JADE1: variants seen among roughly 807,000 people sequenced by gnomAD.
The protein encoded by JADE1 is protein Jade-1.
JADE1 carries 14 observed loss-of-function variants against 81.8 expected under a neutral mutation model. The observed-to-expected ratio is 0.17, with a 90% CI of 0.11 to 0.27. The LOEUF (loss-of-function observed/expected upper bound fraction) is 0.27, where lower values mean the gene tolerates loss of function less well. Ranked by LOEUF, JADE1 falls within the 10% of genes least tolerant of loss-of-function variation. JADE1 has a pLI of 1.00. For missense variants in JADE1, 690 were observed against 1,047.9 expected (o/e 0.66, Z 4.71); for synonymous variants, 353 against 391.9 (o/e 0.90, Z 1.17).
chr4:128,854,992 A>T (rs1167082986), intron 6 of JADE1, among the ~76,000 whole-genome samples: 1 of 152,148 alleles, frequency 6.6e-6, no homozygotes, highest in Non-Finnish European at 1.5e-5. Context: ...TAAGGAGACG[A>T]CATTCTTCCT....
intron 3 of JADE1, among the ~76,000 whole-genome samples, chr4:128,843,366 T>C (rs976847389): frequency 6.6e-6 from 1 of 152,220 alleles, no homozygotes; most frequent in Non-Finnish European, 1.5e-5. Context: ...CAACTTTTCT[T>C]CCTCTGGCCA....
chr4:128,817,628 A>G (rs1727160769), intron 1 of JADE1, among the ~76,000 whole-genome samples: 1 of 152,166 alleles, frequency 6.6e-6, no homozygotes, highest in African/African-American at 2.4e-5. Flanking sequence ...TAAATTTTTT[A>G]TTGATTACTC....
rs758531519 is a variant in JADE1, at chr4:128,871,417, G to T, written c.1684G>T (p.Val562Phe). The change falls in exon 11 of 11, where the codon GTT becomes TTT. Residue 562 changes from valine to phenylalanine, a missense_variant. By Grantham distance (50) the Val-to-Phe change is conservative (BLOSUM62 -1). Around this residue, in one of 8 missense-constraint regions of JADE1, gnomAD observed 86 missense variants for 95.4 expected, o/e 0.90. Transcript: ENST00000226319. The surrounding 1 kb of genome is among the most constrained non-coding windows in gnomAD (Gnocchi z 4.1). ...CATGCTTTTGTTTAACAGTCCTTCT[G>T]TTGGCCCTGATGCTCCCAAGATAGA... ...ENMLLFNSPS[V>F]GPDAPKIEDL... The T allele has an allele frequency of 2.1e-5, 34 of 1,614,038 alleles. 1 individual carries two copies. The highest frequency in any genetic ancestry group is 2.7e-5 in the African/African-American group (2 of 74,924).
chr4:128,831,870 A>AT, intron 2 of JADE1, 60 bp downstream of exon 2: 1 of 1,444,252 alleles, frequency 6.9e-7, no homozygotes, highest in East Asian at 2.3e-5. Context: ...TAAAAACATG[A>AT]TTTTTTAATG....
chr4:128,864,575 A>G, intron 9 of JADE1: 1 of 985,442 alleles, frequency 1.0e-6, no homozygotes, highest in Non-Finnish European at 1.2e-6. Flanking sequence ...ATTTGTAATT[A>G]TAAACAGTAA....
At chr4:128,823,637 A>G (rs1239086852) in intron 1 of JADE1, among the ~76,000 whole-genome samples, 1 of 152,222 alleles carries the variant, frequency 6.6e-6, no homozygotes, top group Non-Finnish European at 1.5e-5. Context: ...ATGACGTTAT[A>G]AAGAGCACAT....
At chr4:128,866,666 A>C (rs1160541312) in intron 9 of JADE1, among the ~76,000 whole-genome samples, 2 of 152,174 alleles carry the variant, frequency 1.3e-5, no homozygotes, top group Non-Finnish European at 2.9e-5. Flanking sequence ...TATTGAGTTT[A>C]TGGGGAAAAA....
chr4:128,813,493 A>G (rs1726683963), intron 1 of JADE1, among the ~76,000 whole-genome samples: 1 of 141,988 alleles, frequency 7.0e-6, no homozygotes, highest in African/African-American at 2.6e-5. Flanking sequence ...ATCTTAGCTC[A>G]CTGCAACCTC....
rs942870872 is a variant in JADE1 at position 128,873,429 on chromosome 4, C to A, written c.*1167C>A. The A allele has an allele frequency of 6.6e-6, 1 of 152,558 alleles. No homozygotes were observed. Among genetic ancestry groups the A allele is most frequent in the African/African-American group, 2.4e-5 (1 of 41,426 alleles). The allele number at this position is 152,558 out of a possible 1,614,324, so 9.5% of individuals were successfully genotyped here. On this transcript the variant is annotated 3_prime_UTR_variant, in exon 11 of 11. Transcript: ENST00000226319. ...TGAAGTGTACCCTTGAATAGGTTTTCTGTAGTCAGAGTTCTAAACTCTAAT... is the reference window on the plus strand; with the variant it reads ...TGAAGTGTACCCTTGAATAGGTTTTATGTAGTCAGAGTTCTAAACTCTAAT...
intron 1 of JADE1, among the ~76,000 whole-genome samples, chr4:128,820,753 G>C (rs1018519277): frequency 6.6e-6 from 1 of 151,764 alleles, no homozygotes; most frequent in Non-Finnish European, 1.5e-5. Context: ...GTAACGGATA[G>C]TTTCTGACAA....
intron 5 of JADE1, 76 bp downstream of exon 5, chr4:128,849,243 G>C: frequency 7.6e-7 from 1 of 1,317,732 alleles, no homozygotes. Flanking sequence ...GTGAGTAGCA[G>C]AAAGCTCCTT....
At position 128,846,614 on chromosome 4, in the gene JADE1, TTC is replaced by T; in HGVS notation, c.296+84_296+85del. The T allele has an allele frequency of 2.8e-6, 4 of 1,440,636 alleles. No individual in the cohort carries two copies. The highest frequency in any genetic ancestry group is 3.8e-6 in the Non-Finnish European group (4 of 1,050,900). 89.2% of individuals were successfully genotyped at this position (1,440,636 alleles called of 1,614,324 possible). On this transcript the variant is annotated intron_variant, in intron 4 of 10. Coordinates refer to ENST00000226319, the MANE Select transcript of JADE1 (RefSeq NM_199320.4). This position sits in a 1 kb window ranked among gnomAD's most constrained non-coding sequence, Gnocchi z 4.0. ...CAGCAGGCATCTGAGAAGAGACAAT[TTC>T]TGTGGGAAGAGACAGTTTCTGAGTT...
chr4:128,846,311 C>T lies in JADE1; in HGVS notation c.139-64C>T. On this transcript the variant is annotated intron_variant, in intron 3 of 10. Transcript: ENST00000226319. The surrounding 1 kb of genome is among the most constrained non-coding windows in gnomAD (Gnocchi z 4.0). ...TGGCAGCTCCATGGTTACATTGCAG[C>T]TGCCAGCACTCTGAATAAGAATGCA... 1.3e-6 allele frequency: 2 copies of T among 1,492,194 alleles called. No individual in the cohort carries two copies. Among genetic ancestry groups the T allele is most frequent in the South Asian group, 2.4e-5 (2 of 84,530 alleles). The allele number at this position is 1,492,194 out of a possible 1,614,324, so 92.4% of individuals were successfully genotyped here.
intron 1 of JADE1, among the ~76,000 whole-genome samples, chr4:128,830,259 A>G (rs1728435364): frequency 6.6e-6 from 1 of 150,786 alleles, no homozygotes; most frequent in Non-Finnish European, 1.5e-5. Context: ...GTATGTTGAG[A>G]CAGGGTCTCT....
chr4:128,836,999 C>T (rs968603478), intron 2 of JADE1, among the ~76,000 whole-genome samples: 4 of 152,204 alleles, frequency 2.6e-5, no homozygotes, highest in Non-Finnish European at 5.9e-5. Flanking sequence ...TCATTCCTTA[C>T]TTCACAAAGA....
chr4:128,849,114 A>G lies in JADE1; in HGVS notation c.431A>G (p.Asn144Ser), dbSNP rs376031083. ...GACAGCGTGTGTCGCTATGACCTCAATGACATGGATGCTGCATGGCTGGAA... is the reference window on the plus strand; with the variant it reads ...GACAGCGTGTGTCGCTATGACCTCAGTGACATGGATGCTGCATGGCTGGAA... ...LADSVCRYDL[N>S]DMDAAWLELT... The change falls in exon 5 of 11, where the codon AAT (asparagine) becomes AGT (serine). Residue 144 changes from asparagine to serine, a missense_variant. Physicochemically the swap from Asn to Ser is conservative, Grantham distance 46. Around this residue, in one of 8 missense-constraint regions of JADE1, gnomAD observed 98 missense variants for 161.3 expected, o/e 0.61. Transcript: ENST00000226319. 4.9e-5 allele frequency: 79 copies of G among 1,613,930 alleles called. No individual in the cohort carries two copies. The highest frequency in any genetic ancestry group is 8.0e-5 in the African/African-American group (6 of 74,926).
intron 2 of JADE1, among the ~76,000 whole-genome samples, chr4:128,842,294 TTTTC>T (rs754363332): frequency 2.6e-5 from 4 of 151,680 alleles, no homozygotes; most frequent in Admixed American, 1.3e-4. Context: ...TTTTCTTTTC[TTTTC>T]TTTCTTTCTT....
chr4:128,833,565 T>C (rs116129225), intron 2 of JADE1, among the ~76,000 whole-genome samples: 5,882 of 152,126 alleles, frequency 0.039, 318 homozygotes, highest in African/African-American at 0.12. Context: ...CATGATGGTG[T>C]GTGCCTGTAG....
intron 6 of JADE1, 39 bp downstream of exon 6, chr4:128,852,307 G>T (rs200051085): frequency 1.3e-6 from 2 of 1,542,348 alleles, no homozygotes; most frequent in Non-Finnish European, 1.8e-6. Flanking sequence ...GAAACCTGGG[G>T]CATGAGCCTG....
Sources: gnomAD v4.1 joint callset for allele counts (sites outside exome capture counted in the v4.1 genomes callset) on GRCh38, gnomAD v4.1.1 for gene constraint, gnomAD v4.1.1 regional missense constraint, Gnocchi (gnomAD v3.1) non-coding constraint, MANE v1.5 for transcripts, NCBI Gene and HGNC (gene_info 2026-07-23, HGNC 2026-07-21) for gene names.